NPAS3: variants seen among roughly 807,000 people sequenced by gnomAD.
NPAS3 encodes the protein neuronal PAS domain protein 3, also known as neuronal PAS domain-containing protein 3.
In NPAS3, 14 loss-of-function variants were observed where a neutral mutation model predicts 73.1. The ratio of observed to expected loss-of-function variants is 0.19; its 90% CI spans 0.13 to 0.30. The LOEUF is 0.30. Among genes scored for constraint, NPAS3 ranks in the 10% least tolerant of loss-of-function variants. The probability of loss-of-function intolerance (pLI) is 1.00; values close to 1 mark genes in which losing one functional copy is unlikely to be tolerated. For synonymous variants in NPAS3, 620 were observed against 541.5 expected (o/e 1.14, Z -2.01); for missense variants, 1,096 against 1,250.0 (o/e 0.88, Z 1.86).
chr14:32,940,388 C>T (rs2035940034), intron 1 of NPAS3, among the ~76,000 whole-genome samples: 1 of 152,242 alleles, frequency 6.6e-6, no homozygotes, highest in South Asian at 2.1e-4. Flanking sequence ...GTGGTTTTCC[C>T]TCCTGCTGTC....
intron 4 of NPAS3, among the ~76,000 whole-genome samples, chr14:33,462,916 T>C (rs538650264): frequency 5.3e-5 from 8 of 152,342 alleles, no homozygotes; most frequent in African/African-American, 1.9e-4. Flanking sequence ...ATCTTACATG[T>C]AATACATTTT....
chr14:33,079,400 C>T (rs1457705702), intron 2 of NPAS3, among the ~76,000 whole-genome samples: 3 of 147,092 alleles, frequency 2.0e-5, no homozygotes, highest in Non-Finnish European at 4.4e-5. Flanking sequence ...CTCACTGCAA[C>T]CTCCGCCTCC....
intron 1 of NPAS3, among the ~76,000 whole-genome samples, chr14:33,043,676 T>C (rs1293929755): frequency 6.6e-6 from 1 of 152,180 alleles, no homozygotes; most frequent in African/African-American, 2.4e-5. Context: ...TGTTAACTCT[T>C]ACTGCAGTTT....
At chr14:33,078,292 T>C (rs2041740610) in intron 2 of NPAS3, among the ~76,000 whole-genome samples, 1 of 152,226 alleles carries the variant, frequency 6.6e-6, no homozygotes, top group Non-Finnish European at 1.5e-5. Context: ...ATTGAACACA[T>C]TTTCCTTCGT....
rs970973131 is a variant in NPAS3 at position 32,963,180 on chromosome 14, G to A, written c.50+23814G>A. On this transcript the variant is annotated intron_variant, in intron 1 of 11. Transcript: ENST00000356141. Reference sequence around the variant, plus strand: ...TAAATAACTTGCTCCAAAAAGGAAGGCAGTTCTGAATGCAAATAAATAATG... The same window carrying A: ...TAAATAACTTGCTCCAAAAAGGAAGACAGTTCTGAATGCAAATAAATAATG... Among the ~76,000 whole-genome samples the A allele has an allele frequency of 6.6e-5, 10 of 152,232 alleles. No individual in the cohort carries two copies. The East Asian group carries it at 9.7e-4, about 15-fold the overall frequency.
intron 9 of NPAS3, among the ~76,000 whole-genome samples, chr14:33,792,005 T>C (rs2063372092): frequency 6.6e-6 from 1 of 152,248 alleles, no homozygotes; most frequent in Non-Finnish European, 1.5e-5. Context: ...GACAGAATTA[T>C]ATAACCCATC....
At chr14:33,147,754 T>TATATATATATATAC (rs368950295) in intron 2 of NPAS3, among the ~76,000 whole-genome samples, 80 of 142,416 alleles carry the variant, frequency 5.6e-4, no homozygotes, top group African/African-American at 2.0e-3. Flanking sequence ...TATATATATA[T>TATATATATATATAC]ACACACAAAA....
chr14:33,280,693 G>T (rs1196444704), intron 3 of NPAS3, among the ~76,000 whole-genome samples: 1 of 152,204 alleles, frequency 6.6e-6, no homozygotes, highest in Admixed American at 6.5e-5. Context: ...AAGAAAGGAA[G>T]AAGGGGAAAA....
chr14:33,395,467 T>C (rs1405399323), intron 4 of NPAS3, among the ~76,000 whole-genome samples: 1 of 152,088 alleles, frequency 6.6e-6, no homozygotes, highest in Non-Finnish European at 1.5e-5. Context: ...ATACATTTGT[T>C]ACAGCCTGAT....
chr14:33,506,350 A>C (rs2052761169), intron 4 of NPAS3, among the ~76,000 whole-genome samples: 1 of 151,600 alleles, frequency 6.6e-6, no homozygotes, highest in African/African-American at 2.4e-5. Context: ...AAAGGTATAT[A>C]AATATATGAC....
intron 1 of NPAS3, among the ~76,000 whole-genome samples, chr14:32,969,887 A>G (rs1211229978): frequency 3.3e-5 from 5 of 152,240 alleles, no homozygotes; most frequent in Non-Finnish European, 5.9e-5. Flanking sequence ...TTCAGAAAAG[A>G]ATGTCACATA....
intron 3 of NPAS3, among the ~76,000 whole-genome samples, chr14:33,298,172 A>G (rs1406007977): frequency 1.3e-5 from 2 of 152,070 alleles, no homozygotes; most frequent in Non-Finnish European, 2.9e-5. Context: ...AATCCCAGCT[A>G]CTCGGGAGGC....
At chr14:33,302,750 A>T (rs1474501666) in intron 3 of NPAS3, among the ~76,000 whole-genome samples, 1 of 152,188 alleles carries the variant, frequency 6.6e-6, no homozygotes, top group African/African-American at 2.4e-5. Flanking sequence ...CTACACAGTG[A>T]TGATCTGGTT....
At chr14:33,198,812 G>A (rs879649286) in intron 2 of NPAS3, among the ~76,000 whole-genome samples, 22 of 152,188 alleles carry the variant, frequency 1.4e-4, no homozygotes, top group Non-Finnish European at 1.2e-4. Context: ...AGGAAGGCTC[G>A]GGCCACGCTG....
intron 1 of NPAS3, among the ~76,000 whole-genome samples, chr14:32,993,596 A>G (rs975892919): frequency 2.0e-5 from 3 of 152,234 alleles, no homozygotes; most frequent in African/African-American, 7.2e-5. Context: ...AGATTCATTT[A>G]TTAATATTAA....
intron 6 of NPAS3, among the ~76,000 whole-genome samples, chr14:33,708,879 T>G (rs2060737318): frequency 6.6e-6 from 1 of 152,184 alleles, no homozygotes. Context: ...TAGGATTGAC[T>G]GAGACTAGGG....
intron 4 of NPAS3, among the ~76,000 whole-genome samples, chr14:33,496,731 A>G (rs2052214490): frequency 6.6e-6 from 1 of 152,170 alleles, no homozygotes; most frequent in Non-Finnish European, 1.5e-5. Flanking sequence ...TGACAAACTG[A>G]CAGCCAGTAT....
At chr14:33,159,978 CT>C (rs1301902813) in intron 2 of NPAS3, among the ~76,000 whole-genome samples, 2 of 152,122 alleles carry the variant, frequency 1.3e-5, no homozygotes, top group Non-Finnish European at 2.9e-5. Context: ...TAAATTAAGA[CT>C]AAACTCAACA....
At chr14:32,938,485 T>TAGAGAGAGAGAGAGAGAGAGAG (rs1491191135), upstream of NPAS3, among the ~76,000 whole-genome samples, 253 of 21,744 alleles carry the variant, frequency 0.012, 34 homozygotes, top group East Asian at 0.059. Context: ...GAGAGAGAAA[T>TAGAGAGAGAGAGAGAGAGAGAG]TGAGAGAGAG....
Sources: allele counts gnomAD v4.1 joint callset (sites outside exome capture counted in the v4.1 genomes callset), GRCh38; gene constraint gnomAD v4.1.1; transcripts MANE v1.5; gene names NCBI Gene and HGNC (gene_info 2026-07-23, HGNC 2026-07-21).